The following LRMDA variants were observed in gnomAD, a reference collection of about 807,000 sequenced individuals.
LRMDA encodes the protein leucine-rich melanocyte differentiation-associated protein.
A neutral mutation model predicts 29.8 loss-of-function variants in LRMDA; 18 were observed. That is an observed-to-expected ratio of 0.60 (90% CI 0.42 to 0.90). LRMDA has a LOEUF of 0.90. LRMDA is among the 40% of genes least tolerant of loss of function. The probability of loss-of-function intolerance (pLI) is 0.00; values close to 1 mark genes in which losing one functional copy is unlikely to be tolerated. For missense variants in LRMDA, 273 were observed against 273.9 expected, an observed-to-expected ratio of 1.00 and a Z score of 0.02; for synonymous variants, 125 against 109.4, an observed-to-expected ratio of 1.14 and a Z score of -0.89.
At chr10:75,469,862 A>G (rs1844705378) in intron 2 of LRMDA, among the ~76,000 whole-genome samples, 1 of 152,166 alleles carries the variant, frequency 6.6e-6, no homozygotes, top group African/African-American at 2.4e-5. Flanking sequence ...AGCTTCAAAC[A>G]AGGTGCAGAG....
At chr10:75,904,654 A>G (rs148440427) in intron 2 of LRMDA, among the ~76,000 whole-genome samples, 67 of 152,330 alleles carry the variant, frequency 4.4e-4, no homozygotes, top group Non-Finnish European at 7.5e-4. Context: ...CTCCACGGCA[A>G]CGCCACCAGC....
At chr10:76,504,004 C>T (rs1842936420) in intron 6 of LRMDA, among the ~76,000 whole-genome samples, 1 of 151,462 alleles carries the variant, frequency 6.6e-6, no homozygotes, top group Admixed American at 6.6e-5. Flanking sequence ...TTAGCTGCAT[C>T]CCAAAGATTT....
intron 2 of LRMDA, among the ~76,000 whole-genome samples, chr10:75,872,085 T>G (rs920373351): frequency 6.6e-6 from 1 of 152,230 alleles, no homozygotes; most frequent in African/African-American, 2.4e-5. Flanking sequence ...TGTACGGTAC[T>G]TTTAAATTTC....
intron 2 of LRMDA, among the ~76,000 whole-genome samples, chr10:75,609,014 C>T (rs1034438022): frequency 2.6e-5 from 4 of 152,162 alleles, no homozygotes; most frequent in Non-Finnish European, 5.9e-5. Context: ...AAAGAGTGTA[C>T]ATCTTCTCAT....
intron 2 of LRMDA, among the ~76,000 whole-genome samples, chr10:75,843,053 G>A (rs1302172637): frequency 6.6e-6 from 1 of 152,162 alleles, no homozygotes; most frequent in African/African-American, 2.4e-5. Context: ...AAATGAAGAG[G>A]TGGAAAGCCA....
chr10:76,364,232 G>T (rs927684396), intron 6 of LRMDA, among the ~76,000 whole-genome samples: 2 of 152,058 alleles, frequency 1.3e-5, no homozygotes, highest in Non-Finnish European at 2.9e-5. Flanking sequence ...TTGTGGGGTT[G>T]GGAAAAATTT....
intron 2 of LRMDA, among the ~76,000 whole-genome samples, chr10:75,448,033 G>T (rs1009004216): frequency 6.6e-6 from 1 of 152,170 alleles, no homozygotes; most frequent in Non-Finnish European, 1.5e-5. Flanking sequence ...CAGAGAAAAT[G>T]ATACTTTGTG....
intron 5 of LRMDA, among the ~76,000 whole-genome samples, chr10:76,067,851 T>G (rs541270071): frequency 1.3e-5 from 2 of 152,212 alleles, no homozygotes; most frequent in Non-Finnish European, 2.9e-5. Context: ...GGCCTTGCTG[T>G]CTTTCCTGAA....
intron 5 of LRMDA, among the ~76,000 whole-genome samples, chr10:76,271,885 A>C (rs1185963573): frequency 6.6e-6 from 1 of 152,188 alleles, no homozygotes; most frequent in Non-Finnish European, 1.5e-5. Context: ...AGAGAAGCAG[A>C]CTCAAAGTAT....
intron 2 of LRMDA, among the ~76,000 whole-genome samples, chr10:75,793,880 A>C (rs1843608576): frequency 6.6e-6 from 1 of 152,220 alleles, no homozygotes; most frequent in Admixed American, 6.5e-5. Flanking sequence ...CACTTTTTCT[A>C]TAAAGGGCCA....
intron 2 of LRMDA, among the ~76,000 whole-genome samples, chr10:75,748,909 ATGTG>A (rs1374579337): frequency 6.6e-6 from 1 of 152,190 alleles, no homozygotes; most frequent in Non-Finnish European, 1.5e-5. Flanking sequence ...ATTTATATGT[ATGTG>A]TATCTATACA....
At chr10:76,415,090 G>T (rs1433740319) in intron 6 of LRMDA, among the ~76,000 whole-genome samples, 2 of 152,246 alleles carry the variant, frequency 1.3e-5, no homozygotes, top group Non-Finnish European at 2.9e-5. Flanking sequence ...AAAGCAAGTG[G>T]CTCCATGTGT....
chr10:75,935,540 G>A (rs1181774549), intron 2 of LRMDA, among the ~76,000 whole-genome samples: 1 of 152,188 alleles, frequency 6.6e-6, no homozygotes, highest in African/African-American at 2.4e-5. Context: ...CAATAATCAT[G>A]ACAAATGAGA....
intron 2 of LRMDA, among the ~76,000 whole-genome samples, chr10:75,856,520 G>T (rs1443450536): frequency 6.6e-6 from 1 of 152,116 alleles, no homozygotes; most frequent in Non-Finnish European, 1.5e-5. Context: ...ATGCAAGGCT[G>T]GTTCAACATA....
chr10:75,726,757 C>T (rs924512293), intron 2 of LRMDA, among the ~76,000 whole-genome samples: 6 of 152,276 alleles, frequency 3.9e-5, no homozygotes, highest in African/African-American at 1.2e-4. Flanking sequence ...TGAGATAAGC[C>T]GGCCATGGCT....
chr10:75,478,877 C>T (rs1462728265), intron 2 of LRMDA, among the ~76,000 whole-genome samples: 2 of 152,194 alleles, frequency 1.3e-5, no homozygotes, highest in Admixed American at 6.5e-5. Flanking sequence ...CTGATCTTTG[C>T]ACTACTCCTT....
intron 2 of LRMDA, among the ~76,000 whole-genome samples, chr10:75,558,687 C>T (rs962730410): frequency 6.7e-6 from 1 of 149,206 alleles, no homozygotes; most frequent in Non-Finnish European, 1.5e-5. Flanking sequence ...CCCACTCCCC[C>T]CACCCCACAA....
intron 6 of LRMDA, among the ~76,000 whole-genome samples, chr10:76,528,453 A>G (rs539624830): frequency 4.9e-4 from 74 of 152,180 alleles, no homozygotes; most frequent in Non-Finnish European, 9.3e-4. Flanking sequence ...AGAAGGCAAA[A>G]CATCCAAATA....
At chr10:76,461,826 G>C (rs1474497742) in intron 6 of LRMDA, among the ~76,000 whole-genome samples, 1 of 152,090 alleles carries the variant, frequency 6.6e-6, no homozygotes, top group Non-Finnish European at 1.5e-5. Context: ...TATAATTCCA[G>C]AACTTTGGGA....
Sources: allele counts gnomAD v4.1 joint callset (sites outside exome capture counted in the v4.1 genomes callset), GRCh38; gene constraint gnomAD v4.1.1; transcripts MANE v1.5; gene names NCBI Gene and HGNC (gene_info 2026-07-23, HGNC 2026-07-21).